MOXD1: variants seen among roughly 807,000 people sequenced by gnomAD.
MOXD1 encodes the protein monooxygenase DBH like 1, also known as DBH-like monooxygenase protein 1.
In MOXD1, 62 loss-of-function variants were observed where a neutral mutation model predicts 66.6. That is an observed-to-expected ratio of 0.93 (90% CI 0.76 to 1.15). The LOEUF is 1.15. Ranked by LOEUF, MOXD1 falls within the 50% of genes most tolerant of loss-of-function variation. The pLI is 0.00. For synonymous variants in MOXD1, 303 were observed against 281.9 expected (o/e 1.07, Z -0.75); for missense variants, 847 against 754.6 (o/e 1.12, Z -1.44).
At chr6:132,363,661 C>T (rs1183424323) in intron 4 of MOXD1, among the ~76,000 whole-genome samples, 1 of 152,120 alleles carries the variant, frequency 6.6e-6, no homozygotes, top group Non-Finnish European at 1.5e-5. Context: ...CATAAGCTTG[C>T]TGTGTCTCAG....
rs1776699952 is a variant in MOXD1 at position 132,388,831 on chromosome 6, G to T, written c.264+12332C>A. 1.3e-5 allele frequency among the ~76,000 whole-genome samples: 2 copies of T among 151,184 alleles called. 1 individual carries two copies. The highest frequency in any genetic ancestry group is 4.3e-4 in the South Asian group (2 of 4,666). ...TGAAATGAAATAACATTGCTTTGAC[G>T]CCCTGTGACCACACACAACTGTTAA... On this transcript the variant is annotated intron_variant, in intron 1 of 11. Coordinates refer to ENST00000367963, the MANE Select transcript of MOXD1 (RefSeq NM_015529.4).
At chr6:132,301,973 T>C (rs1774550369) in intron 10 of MOXD1, among the ~76,000 whole-genome samples, 1 of 152,166 alleles carries the variant, frequency 6.6e-6, no homozygotes, top group African/African-American at 2.4e-5. Flanking sequence ...AAAATGACGA[T>C]CTCAATAAGT....
chr6:132,336,276 C>T (rs981336730), intron 4 of MOXD1, among the ~76,000 whole-genome samples: 1 of 152,206 alleles, frequency 6.6e-6, no homozygotes, highest in Non-Finnish European at 1.5e-5. Context: ...ACATACCCAC[C>T]TGAGGCACAA....
chr6:132,328,772 G>A (rs928316490), intron 4 of MOXD1, among the ~76,000 whole-genome samples, 178 bp from the exon 5 acceptor site: 5 of 152,188 alleles, frequency 3.3e-5, no homozygotes, highest in Non-Finnish European at 5.9e-5. Flanking sequence ...CAATGGTAAA[G>A]ATATGATGAT....
intron 4 of MOXD1, among the ~76,000 whole-genome samples, chr6:132,341,629 A>C (rs1775565445): frequency 6.6e-6 from 1 of 152,128 alleles, no homozygotes; most frequent in South Asian, 2.1e-4. Context: ...TGTTACCCCC[A>C]TGGTCCCATA....
intron 10 of MOXD1, among the ~76,000 whole-genome samples, chr6:132,308,616 A>G (rs751703041): frequency 6.6e-6 from 1 of 152,126 alleles, no homozygotes; most frequent in Non-Finnish European, 1.5e-5. Context: ...ATGCGAAAAT[A>G]CACAATAAAA....
At chr6:132,344,109 C>A (rs1401936151) in intron 4 of MOXD1, among the ~76,000 whole-genome samples, 1 of 152,164 alleles carries the variant, frequency 6.6e-6, no homozygotes, top group African/African-American at 2.4e-5. Context: ...GCTTTATAAG[C>A]AGTGACACTT....
At chr6:132,303,352 A>C (rs1295157207) in intron 10 of MOXD1, among the ~76,000 whole-genome samples, 1 of 152,122 alleles carries the variant, frequency 6.6e-6, no homozygotes, top group Non-Finnish European at 1.5e-5. Context: ...AAATTCTAAC[A>C]AATAATTAAA....
chr6:132,339,251 C>T (rs1383687262), intron 4 of MOXD1, among the ~76,000 whole-genome samples: 1 of 152,104 alleles, frequency 6.6e-6, no homozygotes, highest in African/African-American at 2.4e-5. Flanking sequence ...TTTACATTCA[C>T]TTGTGTATGT....
At chr6:132,382,356 T>G (rs1454823408) in intron 1 of MOXD1, among the ~76,000 whole-genome samples, 1 of 152,142 alleles carries the variant, frequency 6.6e-6, no homozygotes, top group Non-Finnish European at 1.5e-5. Flanking sequence ...TATACAGTAT[T>G]AATGATCTGC....
At position 132,328,409 on chromosome 6, in the gene MOXD1, C is replaced by T. The variant is rs760457577; in HGVS notation, c.843+6G>A. 1.2e-6 allele frequency: 2 copies of T among 1,613,662 alleles called. No homozygotes were observed. Among genetic ancestry groups the T allele is most frequent in the Non-Finnish European group, 1.7e-6 (2 of 1,179,760 alleles). On this transcript the variant is annotated splice_donor_region_variant and intron_variant, in intron 5 of 11. Coordinates refer to ENST00000367963, the MANE Select transcript of MOXD1 (RefSeq NM_015529.4). ...TGTGTTACATCTCAGTAATCATTAGCCCCACCTCTCCACCAATAGCCCAGG... is the reference window on the plus strand; with the variant it reads ...TGTGTTACATCTCAGTAATCATTAGTCCCACCTCTCCACCAATAGCCCAGG...
intron 4 of MOXD1, among the ~76,000 whole-genome samples, chr6:132,356,627 A>G (rs937051871): frequency 1.3e-5 from 2 of 152,150 alleles, no homozygotes; most frequent in East Asian, 1.9e-4. Context: ...ATGTGCATCA[A>G]AAGTGTATGG....
intron 7 of MOXD1, 30 bp downstream of exon 7, chr6:132,323,901 G>C (rs1052468596): frequency 1.3e-6 from 2 of 1,545,990 alleles, no homozygotes; most frequent in Non-Finnish European, 1.7e-6. Context: ...TGAATCTGCA[G>C]AGAGCAGCTC....
chr6:132,381,942 T>C (rs1776520441), intron 1 of MOXD1, among the ~76,000 whole-genome samples: 1 of 152,144 alleles, frequency 6.6e-6, no homozygotes, highest in Non-Finnish European at 1.5e-5. Context: ...CCTCATTTTA[T>C]TTAGCAAATA....
chr6:132,319,358 T>G (rs1054549189), intron 9 of MOXD1, among the ~76,000 whole-genome samples: 1 of 152,014 alleles, frequency 6.6e-6, no homozygotes, highest in African/African-American at 2.4e-5. Context: ...GTATTTTCTT[T>G]ATTTTACTGA....
At chr6:132,350,879 T>TTTTG (rs945814525) in intron 4 of MOXD1, among the ~76,000 whole-genome samples, 4 of 151,922 alleles carry the variant, frequency 2.6e-5, no homozygotes, top group African/African-American at 7.2e-5. Flanking sequence ...TTGTTTTTGT[T>TTTTG]TTTGTTTGTT....
At chr6:132,397,405 C>T (rs1776910369) in intron 1 of MOXD1, among the ~76,000 whole-genome samples, 1 of 152,182 alleles carries the variant, frequency 6.6e-6, no homozygotes, top group Admixed American at 6.5e-5. Flanking sequence ...ATGGGACTTG[C>T]TTCTCTGCCT....
intron 9 of MOXD1, among the ~76,000 whole-genome samples, chr6:132,318,883 A>G (rs1378272184): frequency 3.3e-5 from 5 of 152,056 alleles, no homozygotes; most frequent in African/African-American, 9.6e-5. Flanking sequence ...TCATATGGAT[A>G]GCCATTAGTG....
intron 4 of MOXD1, among the ~76,000 whole-genome samples, chr6:132,363,643 G>A (rs533181205): frequency 6.6e-6 from 1 of 152,248 alleles, no homozygotes; most frequent in South Asian, 2.1e-4. Flanking sequence ...GTAATGTTGA[G>A]CAAGCTACAT....
Sources: allele counts gnomAD v4.1 joint callset (sites outside exome capture counted in the v4.1 genomes callset), GRCh38; gene constraint gnomAD v4.1.1; transcripts MANE v1.5; gene names NCBI Gene and HGNC (gene_info 2026-07-23, HGNC 2026-07-21).